Variants in SKAP1 observed in about 807,000 individuals in gnomAD.
The protein encoded by SKAP1 is src kinase associated phosphoprotein 1.
A neutral mutation model predicts 58.5 loss-of-function variants in SKAP1; 44 were observed. The observed-to-expected ratio is 0.75, with a 90% CI of 0.59 to 0.97. The LOEUF (loss-of-function observed/expected upper bound fraction) is 0.97, where lower values mean the gene tolerates loss of function less well. Among genes scored for constraint, SKAP1 ranks in the 50% least tolerant of loss-of-function variants. The pLI is 0.00. For synonymous variants in SKAP1, 127 were observed against 149.7 expected, an observed-to-expected ratio of 0.85 and a Z score of 1.11; for missense variants, 390 against 435.2, an observed-to-expected ratio of 0.90 and a Z score of 0.92.
intron 4 of SKAP1, among the ~76,000 whole-genome samples, chr17:48,194,402 T>C (rs1228641042): frequency 6.6e-6 from 1 of 152,066 alleles, no homozygotes; most frequent in African/African-American, 2.4e-5. Flanking sequence ...GCAACAACAA[T>C]GGGGACCCTT....
chr17:48,352,481 G>C (rs930215391), intron 3 of SKAP1, among the ~76,000 whole-genome samples: 2 of 152,116 alleles, frequency 1.3e-5, no homozygotes, highest in African/African-American at 4.8e-5. Flanking sequence ...TGGCAACCAG[G>C]CAATCATAAT....
At chr17:48,187,616 A>T (rs1046258496) in intron 6 of SKAP1, among the ~76,000 whole-genome samples, 2 of 152,114 alleles carry the variant, frequency 1.3e-5, no homozygotes, top group African/African-American at 4.8e-5. Flanking sequence ...TAACCATTTG[A>T]TGTGCTGACC....
intron 2 of SKAP1, among the ~76,000 whole-genome samples, chr17:48,378,281 A>G (rs754970053): frequency 1.3e-5 from 2 of 152,214 alleles, no homozygotes; most frequent in Non-Finnish European, 2.9e-5. Flanking sequence ...CTTTGCAGAC[A>G]GGTCTGGGTT....
At chr17:48,280,200 G>C (rs963902641) in intron 4 of SKAP1, among the ~76,000 whole-genome samples, 2 of 152,112 alleles carry the variant, frequency 1.3e-5, no homozygotes, top group African/African-American at 4.8e-5. Flanking sequence ...AGGCGCTATG[G>C]CTCATGCCTG....
At chr17:48,438,389 A>G in the SKAP1 span, among the ~76,000 whole-genome samples, 1 of 152,228 alleles carries the variant, frequency 6.6e-6, no homozygotes. Flanking sequence ...TATACAAATT[A>G]TCCATAATCT....
At chr17:48,210,584 C>T (rs1288785961) in intron 4 of SKAP1, among the ~76,000 whole-genome samples, 1 of 152,090 alleles carries the variant, frequency 6.6e-6, no homozygotes, top group Non-Finnish European at 1.5e-5. Context: ...CCAAAGTAAC[C>T]AAAGGTGACC....
intron 4 of SKAP1, among the ~76,000 whole-genome samples, chr17:48,261,940 C>G (rs539571341): frequency 6.6e-6 from 1 of 152,290 alleles, no homozygotes; most frequent in South Asian, 2.1e-4. Flanking sequence ...CAATTTCATT[C>G]TTCTCCAGAT....
intron 4 of SKAP1, among the ~76,000 whole-genome samples, chr17:48,304,225 T>C (rs1598540872): frequency 6.6e-6 from 1 of 152,208 alleles, no homozygotes; most frequent in East Asian, 1.9e-4. Flanking sequence ...CATTTTTGTA[T>C]ATGCATTTTT....
At chr17:48,220,852 C>CAAAAAAAAAAAAAA (rs56006389) in intron 4 of SKAP1, among the ~76,000 whole-genome samples, 1 of 83,658 alleles carries the variant, frequency 1.2e-5, no homozygotes, top group African/African-American at 5.5e-5. Context: ...GACTCCATCT[C>CAAAAAAAAAAAAAA]AAAAAAAAAA....
chr17:48,281,132 A>T (rs2938479), intron 4 of SKAP1, among the ~76,000 whole-genome samples: 146,838 of 152,244 alleles, frequency 0.96, 70,855 homozygotes, highest in East Asian at 1. Flanking sequence ...TTCAAGCGAT[A>T]CCCCTGCCTC....
At chr17:48,319,288 T>A (rs546437253) in intron 4 of SKAP1, among the ~76,000 whole-genome samples, 8 of 152,110 alleles carry the variant, frequency 5.3e-5, no homozygotes, top group Admixed American at 5.2e-4. Flanking sequence ...AGTCCTGGAG[T>A]AGACAATTTA....
intron 11 of SKAP1, among the ~76,000 whole-genome samples, chr17:48,141,011 T>G (rs1263223908): frequency 2.0e-5 from 3 of 152,104 alleles, no homozygotes; most frequent in Non-Finnish European, 4.4e-5. Flanking sequence ...AGTCTCGAAC[T>G]CCTGACCTCA....
intron 6 of SKAP1, among the ~76,000 whole-genome samples, chr17:48,186,959 G>A (rs1684029082): frequency 1.3e-5 from 2 of 152,178 alleles, no homozygotes; most frequent in African/African-American, 2.4e-5. Flanking sequence ...GCTGGCCTCT[G>A]TACGAAGGTG....
chr17:48,282,647 G>A (rs1479530068), intron 4 of SKAP1, among the ~76,000 whole-genome samples: 3 of 152,048 alleles, frequency 2.0e-5, no homozygotes, highest in East Asian at 3.9e-4. Flanking sequence ...TGTGGTGTAC[G>A]CCTGTAGTCT....
At chr17:48,298,376 T>A (rs1377779382) in intron 4 of SKAP1, among the ~76,000 whole-genome samples, 1 of 152,206 alleles carries the variant, frequency 6.6e-6, no homozygotes, top group Non-Finnish European at 1.5e-5. Flanking sequence ...ATTGACTATG[T>A]GGAAGGGGTT....
intron 4 of SKAP1, among the ~76,000 whole-genome samples, chr17:48,282,760 G>C (rs1353339519): frequency 2.0e-5 from 3 of 151,606 alleles, no homozygotes; most frequent in Non-Finnish European, 4.4e-5. Context: ...CTCAGTGACA[G>C]AGCAAGATCT....
At position 48,180,071 on chromosome 17, in the gene SKAP1, A is replaced by G. The variant is rs1337949712; in HGVS notation, c.809T>C (p.Ile270Thr). 1.3e-6 allele frequency: 2 copies of G among 1,592,600 alleles called. No individual in the cohort carries two copies. Among genetic ancestry groups the G allele is most frequent in the South Asian group, 1.2e-5 (1 of 86,574 alleles). Residue 270 changes from isoleucine (I) to threonine (T), a missense_variant, in exon 9 of 13, where the codon ATT becomes ACT. Ile to Thr is a moderately conservative substitution (Grantham distance 89). Transcript: ENST00000336915. Reference protein sequence around the residue: ...EPTEEKEEEDIYEVLPDEEHD... With the variant: ...EPTEEKEEEDTYEVLPDEEHD... ...TTTCTCACCTGGCAAGACTTCATAAATATCTTCTTCTTCTTTCTCCTCTGT... is the reference window on the plus strand; with the variant it reads ...TTTCTCACCTGGCAAGACTTCATAAGTATCTTCTTCTTCTTTCTCCTCTGT...
chr17:48,139,537 G>A (rs1375043592), intron 11 of SKAP1, among the ~76,000 whole-genome samples: 1 of 152,022 alleles, frequency 6.6e-6, no homozygotes, highest in East Asian at 1.9e-4. Flanking sequence ...TTGGATTTGG[G>A]GTACCAAAGA....
chr17:48,189,414 G>C lies in SKAP1; in HGVS notation c.358+9C>G. The C allele has an allele frequency of 6.2e-7, 1 of 1,607,246 alleles. No homozygotes were observed. Among genetic ancestry groups the C allele is most frequent in the Non-Finnish European group, 8.5e-7 (1 of 1,175,082 alleles). On this transcript the variant is annotated intron_variant, in intron 5 of 12. Coordinates refer to ENST00000336915, the MANE Select transcript of SKAP1 (RefSeq NM_003726.4). ...GGAATGTTCTGAAATCTGTGGGTCT[G>C]ACCAATACCTTTGCTTTTCTTCTCC...
Sources: allele counts gnomAD v4.1 joint callset (sites outside exome capture counted in the v4.1 genomes callset), GRCh38; gene constraint gnomAD v4.1.1; transcripts MANE v1.5; gene names NCBI Gene and HGNC (gene_info 2026-07-23, HGNC 2026-07-21).